Variants in RBKS observed in about 807,000 individuals in gnomAD.
RBKS encodes the protein ribokinase.
RBKS carries 33 observed loss-of-function variants against 33.9 expected under a neutral mutation model. The ratio of observed to expected loss-of-function variants is 0.97; its 90% CI spans 0.74 to 1.30. The LOEUF (loss-of-function observed/expected upper bound fraction) is 1.30, where lower values mean the gene tolerates loss of function less well. RBKS is among the 50% of genes most tolerant of loss of function. The pLI, the probability that RBKS is intolerant of heterozygous loss-of-function variation, is 0.00. For missense variants in RBKS, 361 were observed against 392.6 expected (o/e 0.92, Z 0.68); for synonymous variants, 125 against 143.0 (o/e 0.87, Z 0.90).
At chr2:27,868,084 G>A (rs966060123) in intron 1 of RBKS, among the ~76,000 whole-genome samples, 1 of 152,100 alleles carries the variant, frequency 6.6e-6, no homozygotes, top group Non-Finnish European at 1.5e-5. Flanking sequence ...AATGACTTCT[G>A]TCACTACATT....
intron 6 of RBKS, among the ~76,000 whole-genome samples, chr2:27,829,145 T>C (rs1678374045): frequency 6.6e-6 from 1 of 152,116 alleles, no homozygotes; most frequent in Non-Finnish European, 1.5e-5. Flanking sequence ...TTCAACTGCT[T>C]TGGCCTCCCA....
rs1242181841 is a variant in RBKS at position 27,849,580 on chromosome 2, AAAAAAAGAAAAAG to A, written c.223-1496_223-1484del. Among the ~76,000 whole-genome samples, 372 of 137,130 alleles carry A rather than the reference AAAAAAAGAAAAAG, an allele frequency of 2.7e-3. 4 individuals are homozygous for A. Among genetic ancestry groups the A allele is most frequent in the Non-Finnish European group, 3.5e-3 (226 of 65,054 alleles). 90.0% of individuals were successfully genotyped at this position (137,130 alleles called of 152,430 possible). On this transcript the variant is annotated intron_variant, in intron 2 of 7. Coordinates refer to ENST00000302188, the MANE Select transcript of RBKS (RefSeq NM_022128.3). Reference sequence around the variant, plus strand: ...GTCTCAAAAAAAAAAAAAAAAAAAAAAAAAAAGAAAAAGAAAAAAAGAAAAAAAAGAAAAGAAA... The same window carrying A: ...GTCTCAAAAAAAAAAAAAAAAAAAAAAAAAAAAGAAAAAAAAGAAAAGAAA...
intron 7 of RBKS, among the ~76,000 whole-genome samples, chr2:27,811,526 G>A (rs1029932922): frequency 6.6e-6 from 1 of 152,126 alleles, no homozygotes; most frequent in Admixed American, 6.6e-5. Flanking sequence ...ACGATGCTCT[G>A]AGAATAAGAT....
chr2:27,853,651 C>T (rs905168666), intron 2 of RBKS, among the ~76,000 whole-genome samples: 4 of 152,044 alleles, frequency 2.6e-5, no homozygotes, highest in African/African-American at 7.2e-5. Context: ...GAGTGAGATC[C>T]TGTCTCAGAA....
At chr2:27,815,897 T>TG (rs1364390872) in intron 7 of RBKS, among the ~76,000 whole-genome samples, 1 of 152,172 alleles carries the variant, frequency 6.6e-6, no homozygotes, top group Admixed American at 6.5e-5. Context: ...GCTGAAACAA[T>TG]GGTTCCTTTT....
chr2:27,882,599 A>G (rs1664440518), intron 1 of RBKS, among the ~76,000 whole-genome samples: 1 of 152,356 alleles, frequency 6.6e-6, no homozygotes, highest in Admixed American at 6.5e-5. Context: ...AGGAATATAA[A>G]TCATTCTGTA....
Position 27,847,045 on chromosome 2 carries a change from CA to C in RBKS, c.345del (p.Asn115LysfsTer9). On this transcript the variant is annotated frameshift_variant, in exon 4 of 8. Transcript: ENST00000302188. LOFTEE classifies it high-confidence loss of function. The part of the protein sequence containing the change: ...ATGTASIIVN[N>X]EGQNIIVIVA... ...CTCCAATATGCAAAACACTTACCTTCATTATTGACAATTATAGAAGCAGTTC... is the reference window on the plus strand; with the variant it reads ...CTCCAATATGCAAAACACTTACCTTCTTATTGACAATTATAGAAGCAGTTC... 6.3e-7 allele frequency: 1 copy of C among 1,599,784 alleles called. No individual in the cohort carries two copies. The highest frequency in any genetic ancestry group is 8.6e-7 in the Non-Finnish European group (1 of 1,167,520).
intron 4 of RBKS, among the ~76,000 whole-genome samples, chr2:27,845,527 G>GAACAACAACAAC (rs5830051): frequency 9.9e-5 from 15 of 151,238 alleles, no homozygotes; most frequent in African/African-American, 3.2e-4. Flanking sequence ...GATAGTCCTA[G>GAACAACAACAAC]AACAACAACA....
intron 2 of RBKS, among the ~76,000 whole-genome samples, chr2:27,851,882 C>T (rs1351502709): frequency 2.0e-5 from 3 of 152,210 alleles, no homozygotes; most frequent in Non-Finnish European, 4.4e-5. Context: ...AGCACCCAAA[C>T]TATTCTAGAA....
At chr2:27,840,533 G>A (rs1558547096) in intron 5 of RBKS, among the ~76,000 whole-genome samples, 1 of 151,544 alleles carries the variant, frequency 6.6e-6, no homozygotes, top group Admixed American at 6.6e-5. Context: ...ATGTGTGTTC[G>A]TGTGTGTGTG....
At chr2:27,789,868 A>ATTTGTGTG (rs1677473576) in intron 7 of RBKS, among the ~76,000 whole-genome samples, 1 of 131,080 alleles carries the variant, frequency 7.6e-6, no homozygotes, top group African/African-American at 2.8e-5. Context: ...TGGCCAGCTG[A>ATTTGTGTG]TGTGTGTGTG....
chr2:27,787,042 G>A (rs931635245), intron 7 of RBKS, among the ~76,000 whole-genome samples: 7 of 152,080 alleles, frequency 4.6e-5, no homozygotes, highest in South Asian at 2.1e-4. Flanking sequence ...AGGATGGAGC[G>A]CAGTAGTATA....
At chr2:27,874,576 G>A (rs1664277175) in intron 1 of RBKS, among the ~76,000 whole-genome samples, 1 of 152,158 alleles carries the variant, frequency 6.6e-6, no homozygotes, top group South Asian at 2.1e-4. Flanking sequence ...CCACTTATAC[G>A]CTGATGTGTT....
chr2:27,809,464 A>G (rs1483865377), intron 7 of RBKS, among the ~76,000 whole-genome samples: 1 of 152,252 alleles, frequency 6.6e-6, no homozygotes, highest in Non-Finnish European at 1.5e-5. Context: ...ATGGAATTAA[A>G]AAGGGCCCAT....
At position 27,795,465 on chromosome 2, in the gene RBKS, T is replaced by C. The variant is rs1395425788; in HGVS notation, c.796-13677A>G. On this transcript the variant is annotated intron_variant, in intron 7 of 7. Coordinates refer to ENST00000302188, the MANE Select transcript of RBKS (RefSeq NM_022128.3). This position sits in a 1 kb window ranked among gnomAD's most constrained non-coding sequence, Gnocchi z 4.1. ...AGGCCTTGTACTCTTTACAGAGGAG[T>C]GGAAGGGTAAGGAAGAGAGTGAACT... Among the ~76,000 whole-genome samples, 2 of 151,242 alleles carry C rather than the reference T, an allele frequency of 1.3e-5. No homozygotes were observed. The highest frequency in any genetic ancestry group is 3.9e-4 in the East Asian group (2 of 5,158).
chr2:27,820,282 C>A (rs1678174226), intron 7 of RBKS, among the ~76,000 whole-genome samples: 1 of 152,132 alleles, frequency 6.6e-6, no homozygotes, highest in Admixed American at 6.5e-5. Flanking sequence ...CCAGCCTATA[C>A]CCCTTCCCAG....
intron 7 of RBKS, among the ~76,000 whole-genome samples, chr2:27,804,059 C>T (rs1445804716): frequency 1.3e-5 from 2 of 152,102 alleles, no homozygotes; most frequent in Admixed American, 6.6e-5. Flanking sequence ...TATTTTCTGG[C>T]TTAATGTATT....
At chr2:27,851,551 T>A (rs1663745579) in intron 2 of RBKS, among the ~76,000 whole-genome samples, 1 of 152,134 alleles carries the variant, frequency 6.6e-6, no homozygotes, top group African/African-American at 2.4e-5. Context: ...TATTTTTTTA[T>A]TTTTGAGACG....
chr2:27,865,264 G>A (rs1283492092), intron 1 of RBKS, among the ~76,000 whole-genome samples: 1 of 152,174 alleles, frequency 6.6e-6, no homozygotes, highest in Non-Finnish European at 1.5e-5. Context: ...AGGTTGCAGT[G>A]AGCCGAGATC....
Sources: allele counts gnomAD v4.1 joint callset (sites outside exome capture counted in the v4.1 genomes callset), GRCh38; gene constraint gnomAD v4.1.1; non-coding constraint Gnocchi (gnomAD v3.1); transcripts MANE v1.5; gene names NCBI Gene and HGNC (gene_info 2026-07-23, HGNC 2026-07-21).